MFRP: variants seen among roughly 807,000 people sequenced by gnomAD.
MFRP encodes the protein membrane frizzled-related protein.
Under a neutral mutation model 65.8 loss-of-function variants are expected in MFRP, and 74 were observed. The observed-to-expected ratio is 1.12, with a 90% CI of 0.93 to 1.36. The LOEUF (loss-of-function observed/expected upper bound fraction) is 1.36. MFRP is among the 40% of genes most tolerant of loss of function. The pLI is 0.00. For missense variants in MFRP, 838 were observed against 736.0 expected (o/e 1.14, Z -1.60); for synonymous variants, 336 against 288.3 (o/e 1.17, Z -1.68).
rs767900062 is a variant in MFRP at position 119,342,648 on chromosome 11, GTC to G, written c.1333_1334del (p.Asp445LeufsTer7). 1.2e-6 allele frequency: 2 copies of G among 1,613,568 alleles called. No individual in the cohort carries two copies. Among genetic ancestry groups the G allele is most frequent in the East Asian group, 4.5e-5 (2 of 44,890 alleles). On this transcript the variant is annotated frameshift_variant, in exon 11 of 15. Transcript: ENST00000619721. LOFTEE classifies it high-confidence loss of function. ...AGTTGTCATCGCTGCCATCGGTGCA[GTC>G]TCTCCACATGTCACACATCCACTGC... is the stretch of plus-strand genomic sequence containing the variant. ...GVQWMCDMWR[D>X]CTDGSDDNCS...
In MFRP at chr11:119,342,655, C is replaced by A. The variant is rs766037107; in HGVS notation, c.1328G>T (p.Trp443Leu). The change falls in exon 11 of 15, where the codon TGG (tryptophan) becomes TTG (leucine). Residue 443 changes from tryptophan to leucine, a missense_variant. Coordinates refer to ENST00000619721, the MANE Select transcript of MFRP (RefSeq NM_031433.4). ...CKGVQWMCDM[W>L]RDCTDGSDDN... ...ATCGCTGCCATCGGTGCAGTCTCTCCACATGTCACACATCCACTGCACACC... is the reference window on the plus strand; with the variant it reads ...ATCGCTGCCATCGGTGCAGTCTCTCAACATGTCACACATCCACTGCACACC... 7.4e-6 allele frequency: 12 copies of A among 1,613,728 alleles called. No individual in the cohort carries two copies. In the South Asian group the frequency reaches 9.9e-5, roughly 13 times the overall value.
At chr11:119,346,008 T>C (rs758818445) in intron 3 of MFRP, 38 bp downstream of exon 3, 107 of 1,612,644 alleles carry the variant, frequency 6.6e-5, no homozygotes, top group Non-Finnish European at 9.0e-5. Context: ...GGAGTTTCAT[T>C]CCAAAGCCCT....
chr11:119,345,491 G>C lies in MFRP; in HGVS notation c.570C>G (p.Ser190Arg), dbSNP rs746948011. The C allele has an allele frequency of 2.1e-5, 34 of 1,614,004 alleles. No individual in the cohort carries two copies. The highest frequency in any genetic ancestry group is 2.8e-5 in the Non-Finnish European group (33 of 1,180,048). Residue 190 changes from serine (S) to arginine (R), a missense_variant, in exon 5 of 15, where the codon AGC becomes AGG. Coordinates refer to ENST00000619721, the MANE Select transcript of MFRP (RefSeq NM_031433.4). ...AAAGGCAAGAGGCCACACTCTCTAT[G>C]CTGAGGGCTTCGATCTTGAGCTGTA... ...HAIQLKIEAL[S>R]IESVASCLFD...
intron 13 of MFRP, 33 bp from the exon 14 acceptor site, chr11:119,340,473 A>G: frequency 6.2e-6 from 9 of 1,456,054 alleles, no homozygotes; most frequent in Non-Finnish European, 8.3e-6. Flanking sequence ...GTCGGGACCC[A>G]GAATCCTGGG....
chr11:119,340,522 C>G (rs925509347), intron 13 of MFRP, 82 bp from the exon 14 acceptor site: 1 of 1,026,236 alleles, frequency 9.7e-7, no homozygotes, highest in African/African-American at 1.6e-5. Flanking sequence ...CCCAGTCGGT[C>G]CCCACCCCAC....
intron 5 of MFRP, 21 bp downstream of exon 5, chr11:119,345,399 C>G (rs755343154): frequency 6.2e-7 from 1 of 1,612,026 alleles, no homozygotes; most frequent in Non-Finnish European, 8.5e-7. Flanking sequence ...GGTGGGATGT[C>G]CTGGGGACAG....
Position 119,339,877 on chromosome 11 carries a change from G to A in MFRP, c.*1111-29C>T. On this transcript the variant is annotated intron_variant, in intron 14 of 14. Transcript: ENST00000619721. This position sits in a 1 kb window ranked among gnomAD's most constrained non-coding sequence, Gnocchi z 5.4. Reference sequence around the variant, plus strand: ...CGGGGTAAGCGGGGCGGCAGGGTGAGAGTAGCGGCGGCTCAGCCCGCAGCG... The same window carrying A: ...CGGGGTAAGCGGGGCGGCAGGGTGAAAGTAGCGGCGGCTCAGCCCGCAGCG... The A allele has an allele frequency of 6.9e-7, 1 of 1,443,164 alleles. No homozygotes were observed. The highest frequency in any genetic ancestry group is 1.4e-5 in the African/African-American group (1 of 69,460). The allele number at this position is 1,443,164 out of a possible 1,614,324, so 89.4% of individuals were successfully genotyped here.
At chr11:119,344,848 C>T in intron 6 of MFRP, 26 bp downstream of exon 6, 1 of 1,613,430 alleles carries the variant, frequency 6.2e-7, no homozygotes, top group Non-Finnish European at 8.5e-7. Flanking sequence ...AGTGGACACT[C>T]AACAGGCAGG....
chr11:119,345,265 T>C (rs370697811), intron 5 of MFRP, among the ~76,000 whole-genome samples, 155 bp downstream of exon 5: 73 of 152,336 alleles, frequency 4.8e-4, no homozygotes, highest in African/African-American at 1.7e-3. Context: ...GTGATCTTCC[T>C]CACGGCACAC....
rs751729583 is a variant in MFRP at position 119,344,744 on chromosome 11, A to T, written c.786T>A (p.His262Gln). The change falls in exon 7 of 15, where the codon CAT becomes CAA. Residue 262 changes from histidine to glutamine, a missense_variant. Coordinates refer to ENST00000619721, the MANE Select transcript of MFRP (RefSeq NM_031433.4). ...AMAPGRGSCAHDEFRCDQLIC... is the reference protein window; with the variant it reads ...AMAPGRGSCAQDEFRCDQLIC... ...TGAGCTGGTCACAGCGGAACTCATC[A>T]TGGGCACAGCTCCCTGGATGTGGGC... 2.2e-5 allele frequency: 35 copies of T among 1,613,872 alleles called. No homozygotes were observed. Among genetic ancestry groups the T allele is most frequent in the Middle Eastern group, 3.3e-4 (2 of 6,084 alleles).
rs921427838 is a variant in MFRP, at chr11:119,339,052, G to T, written c.*1907C>A. 1.5e-5 allele frequency: 6 copies of T among 397,132 alleles called. No individual in the cohort carries two copies. Among genetic ancestry groups the T allele is most frequent in the Non-Finnish European group, 2.7e-5 (6 of 220,214 alleles). The allele number at this position is 397,132 out of a possible 1,614,324, so 24.6% of individuals were successfully genotyped here. On this transcript the variant is annotated 3_prime_UTR_variant, in exon 15 of 15. Coordinates refer to ENST00000619721, the MANE Select transcript of MFRP (RefSeq NM_031433.4). This position sits in a 1 kb window ranked among gnomAD's most constrained non-coding sequence, Gnocchi z 5.4. ...AGGACCAGGAAGAGAGCACCCCACC[G>T]TGGGCTCCTGGACCAGAGCAACTGG... is the stretch of plus-strand genomic sequence containing the variant.
At position 119,343,890 on chromosome 11, in the gene MFRP, A is replaced by C; in HGVS notation, c.1050T>G (p.Ala350=). The change falls in exon 9 of 15, where the codon GCT becomes GCG. Residue 350 remains alanine, a synonymous_variant. Coordinates refer to ENST00000619721, the MANE Select transcript of MFRP (RefSeq NM_031433.4). ...ELQFHNFSLE[A]QDECKFDYVE... ...CGTAGTCAAACTTGCACTCGTCCTG[A>C]GCCTCCAGGCTGAAGTTGTGGAACT... 1 of 1,613,672 alleles carries C rather than the reference A, an allele frequency of 6.2e-7. No homozygotes were observed. The highest frequency in any genetic ancestry group is 1.1e-5 in the South Asian group (1 of 91,060).
chr11:119,342,210 G>A (rs879111265), intron 11 of MFRP, among the ~76,000 whole-genome samples: 4 of 152,224 alleles, frequency 2.6e-5, no homozygotes, highest in Admixed American at 2.0e-4. Context: ...ATGCAGGCAC[G>A]TCTTTAATCT....
At position 119,339,839 on chromosome 11, in the gene MFRP, C is replaced by T; in HGVS notation, c.*1120G>A. 6.7e-7 allele frequency: 1 copy of T among 1,493,458 alleles called. No homozygotes were observed. Among genetic ancestry groups the T allele is most frequent in the Non-Finnish European group, 8.9e-7 (1 of 1,129,114 alleles). 92.5% of individuals were successfully genotyped at this position (1,493,458 alleles called of 1,614,324 possible). Reference sequence around the variant, plus strand: ...TCGCGGCCCGGGGTCCCCTCGAGGTCCCGGCAGTCCTGCGGGGTAAGCGGG... The same window carrying T: ...TCGCGGCCCGGGGTCCCCTCGAGGTTCCGGCAGTCCTGCGGGGTAAGCGGG... On this transcript the variant is annotated 3_prime_UTR_variant, in exon 15 of 15. Transcript: ENST00000619721. This position sits in a 1 kb window ranked among gnomAD's most constrained non-coding sequence, Gnocchi z 5.4.
At position 119,343,894 on chromosome 11, in the gene MFRP, T is replaced by C; in HGVS notation, c.1046A>G (p.Glu349Gly). The change falls in exon 9 of 15, where the codon GAG (glutamate) becomes GGG (glycine). Residue 349 changes from glutamate (E) to glycine (G), a missense_variant. Physicochemically the swap from Glu to Gly is moderately conservative, Grantham distance 98. Transcript: ENST00000619721. ...GTCAAACTTGCACTCGTCCTGAGCC[T>C]CCAGGCTGAAGTTGTGGAACTGTAG... is the stretch of plus-strand genomic sequence containing the variant. The part of the protein sequence containing the change: ...IELQFHNFSL[E>G]AQDECKFDYV... 1 of 1,613,808 alleles carries C rather than the reference T, an allele frequency of 6.2e-7. No individual in the cohort carries two copies. Among genetic ancestry groups the C allele is most frequent in the Non-Finnish European group, 8.5e-7 (1 of 1,179,972 alleles).
At position 119,341,246 on chromosome 11, in the gene MFRP, C is replaced by T. The variant is rs938109381; in HGVS notation, c.*302G>A. On this transcript the variant is annotated 3_prime_UTR_variant, in exon 13 of 15. Transcript: ENST00000619721. ...ATCAAGGAAAAGGTCAGAAGGCAGG[C>T]GATGGAGAAGCTGAAAAAGCAGATG... 19 of 458,870 alleles carry T rather than the reference C, an allele frequency of 4.1e-5. No individual in the cohort carries two copies. Among genetic ancestry groups the T allele is most frequent in the Non-Finnish European group, 7.1e-5 (18 of 252,078 alleles). 28.4% of individuals were successfully genotyped at this position (458,870 alleles called of 1,614,324 possible).
chr11:119,342,927 CA>C lies in MFRP; in HGVS notation c.1200del (p.His400GlnfsTer78). 1 of 1,612,784 alleles carries C rather than the reference CA, an allele frequency of 6.2e-7. No homozygotes were observed. The highest frequency in any genetic ancestry group is 8.5e-7 in the Non-Finnish European group (1 of 1,179,824). On this transcript the variant is annotated frameshift_variant, in exon 10 of 15. Coordinates refer to ENST00000619721, the MANE Select transcript of MFRP (RefSeq NM_031433.4). LOFTEE classifies it high-confidence loss of function. Reference protein sequence around the residue: ...HELAVLFRTDHGISSGGFSAT... With the variant: ...HELAVLFRTDXGISSGGFSAT... ...GCTGAGAAGCCTCCACTGCTGATGC[CA>C]TGATCTGTCCTAAACAGCACAGCCA...
At chr11:119,342,113 A>T (rs1950508958) in intron 11 of MFRP, 129 bp from the exon 12 acceptor site, 1 of 1,129,550 alleles carries the variant, frequency 8.9e-7, no homozygotes, top group Non-Finnish European at 1.3e-6. Context: ...AAGCAAGAGG[A>T]TAACAAAGAG....
chr11:119,339,280 C>A lies in MFRP; in HGVS notation c.*1679G>T. 6.3e-7 allele frequency: 1 copy of A among 1,583,560 alleles called. No individual in the cohort carries two copies. On this transcript the variant is annotated 3_prime_UTR_variant, in exon 15 of 15. Coordinates refer to ENST00000619721, the MANE Select transcript of MFRP (RefSeq NM_031433.4). The surrounding 1 kb of genome is among the most constrained non-coding windows in gnomAD (Gnocchi z 5.4). ...CCTCCTGGATGACCTGGTTGTCAGC[C>A]TCACACCCTCCTTCTAGGAGTGAGA... is the stretch of plus-strand genomic sequence containing the variant.
Sources: allele counts gnomAD v4.1 joint callset (sites outside exome capture counted in the v4.1 genomes callset), GRCh38; gene constraint gnomAD v4.1.1; non-coding constraint Gnocchi (gnomAD v3.1); transcripts MANE v1.5; gene names NCBI Gene and HGNC (gene_info 2026-07-23, HGNC 2026-07-21).